Variants in TEAD1 observed in about 807,000 individuals in gnomAD.
TEAD1 encodes TEA domain transcription factor 1.
TEAD1 carries 9 observed loss-of-function variants against 54.9 expected under a neutral mutation model. That is an observed-to-expected ratio of 0.16 (90% CI 0.10 to 0.29). The LOEUF is 0.29. Among genes scored for constraint, TEAD1 ranks in the 10% least tolerant of loss-of-function variants. The pLI is 1.00. For missense variants in TEAD1, 387 were observed against 535.9 expected (o/e 0.72, Z 2.74); for synonymous variants, 200 against 187.8 (o/e 1.07, Z -0.53).
intron 2 of TEAD1, among the ~76,000 whole-genome samples, chr11:12,680,018 C>T (rs373600381): frequency 3.4e-5 from 5 of 146,444 alleles, no homozygotes; most frequent in Non-Finnish European, 7.4e-5. Flanking sequence ...TATTTTATTA[C>T]CATCTGCAAA....
intron 2 of TEAD1, among the ~76,000 whole-genome samples, chr11:12,715,803 A>G (rs1944047489): frequency 6.6e-6 from 1 of 152,118 alleles, no homozygotes. Flanking sequence ...AATTTATACT[A>G]ATAAATTAAT....
chr11:12,779,187 A>G (rs974363009), intron 3 of TEAD1, among the ~76,000 whole-genome samples: 9 of 152,166 alleles, frequency 5.9e-5, no homozygotes, highest in African/African-American at 9.7e-5. Context: ...CACTTCCACC[A>G]CTGATTATTC....
At chr11:12,676,384 C>T (rs1409967470) in intron 2 of TEAD1, among the ~76,000 whole-genome samples, 2 of 152,194 alleles carry the variant, frequency 1.3e-5, no homozygotes, top group Non-Finnish European at 2.9e-5. Flanking sequence ...GAGTGGGCTC[C>T]TTTCTCTGCA....
At chr11:12,686,171 G>T (rs529069009) in intron 2 of TEAD1, among the ~76,000 whole-genome samples, 1 of 152,180 alleles carries the variant, frequency 6.6e-6, no homozygotes, top group East Asian at 1.9e-4. Context: ...AAATGTCCCA[G>T]TTTGGATGAT....
intron 10 of TEAD1, among the ~76,000 whole-genome samples, chr11:12,923,670 T>A (rs2581567): frequency 0.48 from 72,994 of 152,008 alleles, 19,235 homozygotes; most frequent in South Asian, 0.65. Flanking sequence ...AAAAATTCAT[T>A]TCTCACATTT....
intron 2 of TEAD1, among the ~76,000 whole-genome samples, chr11:12,741,115 T>C (rs536787641): frequency 1.8e-4 from 28 of 152,322 alleles, no homozygotes; most frequent in African/African-American, 6.7e-4. Context: ...TGCATAAAAC[T>C]GGTTATAATC....
At chr11:12,816,019 G>A (rs912931812) in intron 3 of TEAD1, among the ~76,000 whole-genome samples, 1 of 152,218 alleles carries the variant, frequency 6.6e-6, no homozygotes, top group African/African-American at 2.4e-5. Context: ...TCAGAAGACT[G>A]AGAATTCTTA....
intron 2 of TEAD1, among the ~76,000 whole-genome samples, chr11:12,697,797 CG>C (rs1208438286): frequency 6.6e-6 from 1 of 152,052 alleles, no homozygotes; most frequent in Non-Finnish European, 1.5e-5. Context: ...CCGAGGCGGG[CG>C]GATCACTAGA....
chr11:12,926,780 G>A (rs1948909972), intron 11 of TEAD1, among the ~76,000 whole-genome samples: 1 of 152,236 alleles, frequency 6.6e-6, no homozygotes, highest in East Asian at 1.9e-4. Context: ...AATGAGTGGG[G>A]AGGGCGGGAA....
chr11:12,833,956 C>T (rs944399615), intron 3 of TEAD1, among the ~76,000 whole-genome samples: 1 of 152,168 alleles, frequency 6.6e-6, no homozygotes, highest in African/African-American at 2.4e-5. Context: ...TGGGCTGTGT[C>T]TGTTTGCTTG....
chr11:12,680,755 A>G (rs1274083899), intron 2 of TEAD1, among the ~76,000 whole-genome samples: 1 of 152,220 alleles, frequency 6.6e-6, no homozygotes, highest in African/African-American at 2.4e-5. Flanking sequence ...ATGGCACAAA[A>G]TAAAATGTAA....
chr11:12,785,933 A>C (rs1945668389), intron 3 of TEAD1, among the ~76,000 whole-genome samples: 1 of 152,222 alleles, frequency 6.6e-6, no homozygotes, highest in East Asian at 1.9e-4. Flanking sequence ...ACGTAGCGTA[A>C]GATGGCATGC....
In TEAD1 at chr11:12,918,322, A is replaced by T. The variant is rs535789891; in HGVS notation, c.874-6590A>T. On this transcript the variant is annotated intron_variant, in intron 10 of 12. Coordinates refer to ENST00000527636, the MANE Select transcript of TEAD1 (RefSeq NM_021961.6). ...GCTGACAGATAATTATATATATATA[A>T]AATTATATATATCTTGATAATTATA... Among the ~76,000 whole-genome samples the T allele has an allele frequency of 1.1e-3, 167 of 149,864 alleles. 1 individual carries two copies. The highest frequency in any genetic ancestry group is 3.7e-3 in the Admixed American group (55 of 15,002).
chr11:12,802,367 T>C (rs535132061), intron 3 of TEAD1, among the ~76,000 whole-genome samples: 1 of 152,132 alleles, frequency 6.6e-6, no homozygotes, highest in African/African-American at 2.4e-5. Flanking sequence ...TTGAGAAAAA[T>C]CCAGTCACTT....
At chr11:12,771,385 G>A (rs1363348814) in intron 3 of TEAD1, among the ~76,000 whole-genome samples, 3 of 152,182 alleles carry the variant, frequency 2.0e-5, no homozygotes, top group African/African-American at 7.2e-5. Context: ...ACAGTAGTCC[G>A]GTAGGAGAGC....
intron 11 of TEAD1, among the ~76,000 whole-genome samples, chr11:12,925,995 A>G (rs1254928451): frequency 2.6e-5 from 4 of 151,950 alleles, no homozygotes; most frequent in Admixed American, 6.6e-5. Flanking sequence ...AAAGATGTAT[A>G]TTTGTTTGAT....
At chr11:12,901,549 A>G (rs993046641) in intron 9 of TEAD1, among the ~76,000 whole-genome samples, 4 of 152,200 alleles carry the variant, frequency 2.6e-5, no homozygotes, top group African/African-American at 9.6e-5. Context: ...ATTCTGGGTT[A>G]TGACATGAGC....
chr11:12,880,983 G>C (rs1947954950), intron 6 of TEAD1, 22 bp from the exon 7 acceptor site: 1 of 1,613,966 alleles, frequency 6.2e-7, no homozygotes, highest in Admixed American at 1.7e-5. Flanking sequence ...TAATTCTGAG[G>C]CCTTTGCATT....
At chr11:12,776,036 T>G (rs2133941414) in intron 3 of TEAD1, among the ~76,000 whole-genome samples, 1 of 152,102 alleles carries the variant, frequency 6.6e-6, no homozygotes, top group East Asian at 1.9e-4. Flanking sequence ...CAGGGGTGTT[T>G]GGAGAGCATC....
Sources: gnomAD v4.1 joint callset for allele counts (sites outside exome capture counted in the v4.1 genomes callset) on GRCh38, gnomAD v4.1.1 for gene constraint, MANE v1.5 for transcripts, NCBI Gene and HGNC (gene_info 2026-07-23, HGNC 2026-07-21) for gene names.